TPPP: variants seen among roughly 807,000 people sequenced by gnomAD.
TPPP encodes the protein tubulin polymerization promoting protein, also known as tubulin polymerization-promoting protein.
In TPPP, 6 loss-of-function variants were observed where a neutral mutation model predicts 15.5. The ratio of observed to expected loss-of-function variants is 0.39; its 90% CI spans 0.21 to 0.77. TPPP has a LOEUF of 0.77. TPPP is among the 30% of genes least tolerant of loss of function. The pLI, the probability that TPPP is intolerant of heterozygous loss-of-function variation, is 0.42. For missense variants in TPPP, 269 were observed against 307.2 expected (o/e 0.88, Z 0.93); for synonymous variants, 146 against 133.9 (o/e 1.09, Z -0.63).
intron 1 of TPPP, among the ~76,000 whole-genome samples, chr5:680,743 A>G (rs1407104623): frequency 1.3e-5 from 2 of 151,444 alleles, no homozygotes; most frequent in Admixed American, 6.6e-5. Context: ...TCACGTGGGG[A>G]CTCGCCTCAG....
At chr5:683,492 T>C (rs1247585109) in intron 1 of TPPP, among the ~76,000 whole-genome samples, 1 of 152,178 alleles carries the variant, frequency 6.6e-6, no homozygotes, top group Non-Finnish European at 1.5e-5. Flanking sequence ...TGTTCAGGGA[T>C]GACAATGGGT....
At chr5:665,919 G>GGCCCCCCCCC in intron 3 of TPPP, 51 bp downstream of exon 3, 3 of 344,042 alleles carry the variant, frequency 8.7e-6, no homozygotes, top group Non-Finnish European at 7.9e-6. Flanking sequence ...CACCTTCCAG[G>GGCCCCCCCCC]CCCCGCCCCC....
At chr5:677,043 ACG>A (rs2126901700) in intron 2 of TPPP, among the ~76,000 whole-genome samples, 1 of 151,922 alleles carries the variant, frequency 6.6e-6, no homozygotes, top group Admixed American at 6.6e-5. Context: ...CGACGCGGAA[ACG>A]CACACACGTG....
intron 2 of TPPP, among the ~76,000 whole-genome samples, chr5:672,207 G>A (rs1210160935): frequency 6.6e-6 from 1 of 152,166 alleles, no homozygotes; most frequent in African/African-American, 2.4e-5. Context: ...AGTGCCGGCT[G>A]GCCGGGGGGG....
intron 1 of TPPP, among the ~76,000 whole-genome samples, chr5:692,119 CAA>C: frequency 9.3e-6 from 1 of 107,076 alleles, no homozygotes; most frequent in Non-Finnish European, 1.8e-5. Context: ...AACCCCACAT[CAA>C]AACAGCAGCC....
At position 675,972 on chromosome 5, in the gene TPPP, C is replaced by G. The variant is rs184324209; in HGVS notation, c.311+1778G>C. 2.6e-5 allele frequency: 4 copies of G among 152,240 alleles called. No homozygotes were observed. In the East Asian group the frequency reaches 7.7e-4, roughly 29 times the overall value. The allele number at this position is 152,240 out of a possible 1,614,324, so 9.4% of individuals were successfully genotyped here. On this transcript the variant is annotated intron_variant, in intron 2 of 3. Coordinates refer to ENST00000360578, the MANE Select transcript of TPPP (RefSeq NM_007030.3). ...GGACTGGACAGGGTCAAGGATGAGA[C>G]CAGCTCGCACCCGGGGCCCTGGATG...
At chr5:684,084 C>A (rs1437057546) in intron 1 of TPPP, among the ~76,000 whole-genome samples, 1 of 152,236 alleles carries the variant, frequency 6.6e-6, no homozygotes, top group Non-Finnish European at 1.5e-5. Flanking sequence ...GAACAGGACC[C>A]TCTCGTGCCT....
intron 2 of TPPP, among the ~76,000 whole-genome samples, chr5:677,149 C>G (rs1740479076): frequency 6.6e-6 from 1 of 152,270 alleles, no homozygotes; most frequent in Non-Finnish European, 1.5e-5. Flanking sequence ...CCTTGGTGCC[C>G]TTTGCCATTT....
At chr5:670,411 G>T (rs1740176660) in intron 2 of TPPP, among the ~76,000 whole-genome samples, 1 of 152,164 alleles carries the variant, frequency 6.6e-6, no homozygotes, top group East Asian at 1.9e-4. Flanking sequence ...CTGTGGAGGG[G>T]AATCTCTGGG....
chr5:665,614 C>G (rs1320940374), intron 3 of TPPP, among the ~76,000 whole-genome samples: 1 of 126,810 alleles, frequency 7.9e-6, no homozygotes, highest in East Asian at 2.1e-4. Flanking sequence ...CTATGCCCCC[C>G]CAATCCATGC....
At chr5:700,281 T>A in the TPPP span, among the ~76,000 whole-genome samples, 1 of 152,020 alleles carries the variant, frequency 6.6e-6, no homozygotes, top group African/African-American at 2.4e-5. Flanking sequence ...AATGAAATCA[T>A]ATCTTTTGAG....
At chr5:681,784 G>A (rs1219016656) in intron 1 of TPPP, among the ~76,000 whole-genome samples, 2 of 152,174 alleles carry the variant, frequency 1.3e-5, no homozygotes, top group African/African-American at 2.4e-5. Context: ...AAAAGGCTTG[G>A]AAAGGACAGA....
intron 2 of TPPP, among the ~76,000 whole-genome samples, chr5:675,596 TGGGGGGTACAGTGTG>T (rs1740404863): frequency 9.6e-6 from 1 of 104,538 alleles, no homozygotes; most frequent in African/African-American, 3.7e-5. Context: ...GGGTGCAGCA[TGGGGGGTACAGTGTG>T]GCCGGGAGTG....
Position 677,837 on chromosome 5 carries a change from T to C in TPPP, c.224A>G (p.Asn75Ser). 6.2e-7 allele frequency: 1 copy of C among 1,612,486 alleles called. No individual in the cohort carries two copies. The highest frequency in any genetic ancestry group is 8.5e-7 in the Non-Finnish European group (1 of 1,179,704). ...RATGREMHGK[N>S]WSKLCKDCQV... is the part of the protein sequence containing the mutation. ...GCAGTCCTTGCACAGCTTCGACCAG[T>C]TCTTGCCGTGCATCTCCCTCCCGGT... The change falls in exon 2 of 4, where the codon AAC becomes AGC. Residue 75 changes from asparagine to serine, a missense_variant. Physicochemically the swap from Asn to Ser is conservative, Grantham distance 46. Transcript: ENST00000360578.
At chr5:676,780 CAT>C (rs1201834301) in intron 2 of TPPP, among the ~76,000 whole-genome samples, 7 of 152,188 alleles carry the variant, frequency 4.6e-5, no homozygotes, top group Non-Finnish European at 8.8e-5. Context: ...CGTGTGCACA[CAT>C]GACACAGAAA....
the TPPP span, among the ~76,000 whole-genome samples, chr5:699,551 T>C: frequency 6.6e-6 from 1 of 152,028 alleles, no homozygotes; most frequent in Non-Finnish European, 1.5e-5. Flanking sequence ...TTCTGGACAT[T>C]GGCCTAGGCA....
intron 1 of TPPP, among the ~76,000 whole-genome samples, chr5:684,765 C>T (rs1260425769): frequency 2.0e-5 from 3 of 152,168 alleles, no homozygotes; most frequent in Non-Finnish European, 2.9e-5. Flanking sequence ...TCATTATCAT[C>T]GCACGGCACT....
the TPPP span, among the ~76,000 whole-genome samples, chr5:699,806 C>A: frequency 7.0e-6 from 1 of 143,218 alleles, no homozygotes; most frequent in East Asian, 1.9e-4. Flanking sequence ...GCCATTTTTA[C>A]AAAGAAGACA....
chr5:683,312 C>T (rs796162060), intron 1 of TPPP, among the ~76,000 whole-genome samples: 17 of 152,182 alleles, frequency 1.1e-4, no homozygotes, highest in South Asian at 1.0e-3. Flanking sequence ...TGGCAGCCGA[C>T]TGGATTCCAC....
Sources: gnomAD v4.1 joint callset for allele counts (sites outside exome capture counted in the v4.1 genomes callset) on GRCh38, gnomAD v4.1.1 for gene constraint, MANE v1.5 for transcripts, NCBI Gene and HGNC (gene_info 2026-07-23, HGNC 2026-07-21) for gene names.